The following SPAG16 variants were observed in gnomAD, a reference collection of about 807,000 sequenced individuals.
SPAG16 encodes the protein sperm associated antigen 16, also known as sperm-associated antigen 16 protein.
Under a neutral mutation model 80.4 loss-of-function variants are expected in SPAG16, and 86 were observed. The ratio of observed to expected loss-of-function variants is 1.07; its 90% CI spans 0.90 to 1.28. The LOEUF (loss-of-function observed/expected upper bound fraction) is 1.28, where lower values mean the gene tolerates loss of function less well. Among genes scored for constraint, SPAG16 ranks in the 50% most tolerant of loss-of-function variants. SPAG16 has a pLI of 0.00. For synonymous variants in SPAG16, 294 were observed against 265.9 expected, an observed-to-expected ratio of 1.11 and a Z score of -1.03; for missense variants, 870 against 765.3, an observed-to-expected ratio of 1.14 and a Z score of -1.61.
chr2:213,492,197 A>G (rs1232351534), intron 10 of SPAG16, among the ~76,000 whole-genome samples: 8 of 152,192 alleles, frequency 5.3e-5, no homozygotes, highest in Admixed American at 5.2e-4. Flanking sequence ...ACTAGACATA[A>G]TATAAAACTC....
intron 10 of SPAG16, among the ~76,000 whole-genome samples, chr2:213,600,755 C>T (rs950960557): frequency 8.5e-5 from 13 of 152,102 alleles, no homozygotes; most frequent in African/African-American, 2.7e-4. Context: ...AATTTTTACC[C>T]GAGAGAAATT....
At chr2:213,975,693 A>T (rs2045334904) in intron 12 of SPAG16, among the ~76,000 whole-genome samples, 1 of 152,048 alleles carries the variant, frequency 6.6e-6, no homozygotes, top group Admixed American at 6.6e-5. Flanking sequence ...TGATAGGGAG[A>T]GGAAAAATTC....
At position 213,757,885 on chromosome 2, in the gene SPAG16, A is replaced by T. The variant is rs539875449; in HGVS notation, c.1071-104600A>T. On this transcript the variant is annotated intron_variant, in intron 10 of 15. Transcript: ENST00000331683. The stretch of plus-strand genomic sequence containing the variant: ...CAAAGAGGTGAGTGGTTATTGTTGC[A>T]CCTCTATCCATTATTGCAAGCCCCT... Among the ~76,000 whole-genome samples, 8 of 152,002 alleles carry T rather than the reference A, an allele frequency of 5.3e-5. 1 individual carries two copies. The South Asian group carries it at 1.7e-3, about 32-fold the overall frequency.
chr2:214,248,286 TATATTA>T (rs1459289044), intron 15 of SPAG16, among the ~76,000 whole-genome samples: 46 of 128,094 alleles, frequency 3.6e-4, no homozygotes, highest in African/African-American at 1.2e-3. Context: ...GTACTATTCT[TATATTA>T]TTATTATTAT....
At chr2:214,246,601 C>T (rs890327809) in intron 15 of SPAG16, among the ~76,000 whole-genome samples, 2 of 152,000 alleles carry the variant, frequency 1.3e-5, no homozygotes, top group African/African-American at 2.4e-5. Flanking sequence ...AGAGAACAAC[C>T]AAGCAGAGCA....
intron 13 of SPAG16, among the ~76,000 whole-genome samples, chr2:214,052,396 G>A (rs2049698921): frequency 6.6e-6 from 1 of 152,204 alleles, no homozygotes; most frequent in Admixed American, 6.5e-5. Context: ...TTAACTCAGA[G>A]CGCAGCACAG....
In SPAG16 at chr2:213,707,565, T is replaced by G. The variant is rs554110598; in HGVS notation, c.1071-154920T>G. On this transcript the variant is annotated intron_variant, in intron 10 of 15. Transcript: ENST00000331683. ...ATTATTATTTTTTCATTGTGTACCCTAGTAGATTGATATGAAAGTAGGTGC... is the reference window on the plus strand; with the variant it reads ...ATTATTATTTTTTCATTGTGTACCCGAGTAGATTGATATGAAAGTAGGTGC... Among the ~76,000 whole-genome samples the G allele has an allele frequency of 1.6e-4, 24 of 152,342 alleles. 1 individual carries two copies. Among genetic ancestry groups the G allele is most frequent in the African/African-American group, 5.1e-4 (21 of 41,580 alleles).
chr2:214,302,371 A>T (rs1375192595), intron 15 of SPAG16, among the ~76,000 whole-genome samples: 2 of 152,180 alleles, frequency 1.3e-5, no homozygotes, highest in Non-Finnish European at 2.9e-5. Context: ...TCATGTAATG[A>T]CTGGTGATAG....
At chr2:213,496,976 T>C (rs2074521266) in intron 10 of SPAG16, among the ~76,000 whole-genome samples, 1 of 151,734 alleles carries the variant, frequency 6.6e-6, no homozygotes, top group Admixed American at 6.6e-5. Context: ...TTTGCATTTC[T>C]AAGAGAAAGA....
At chr2:214,374,050 A>AC (rs1310811768) in intron 15 of SPAG16, among the ~76,000 whole-genome samples, 1 of 152,188 alleles carries the variant, frequency 6.6e-6, no homozygotes, top group Non-Finnish European at 1.5e-5. Context: ...CTATAACAGA[A>AC]CGTAGAAAGT....
rs113070621 is a variant in SPAG16 at position 213,360,204 on chromosome 2, A to G, written c.763-3872A>G. Among the ~76,000 whole-genome samples the G allele has an allele frequency of 7.6e-3, 1,157 of 152,308 alleles. 9 individuals are homozygous for G. Among genetic ancestry groups the G allele is most frequent in the African/African-American group, 0.025 (1,039 of 41,574 alleles). On this transcript the variant is annotated intron_variant, in intron 7 of 15. Transcript: ENST00000331683. ...TTTCAGAATTTTGTTATACTTGTCA[A>G]TGGAAACTGGATGTGGCAGCCACCA...
At chr2:213,896,395 TA>T (rs578251451) in intron 11 of SPAG16, among the ~76,000 whole-genome samples, 28 of 150,266 alleles carry the variant, frequency 1.9e-4, no homozygotes, top group Non-Finnish European at 2.5e-4. Flanking sequence ...TGGAGATACC[TA>T]AAAAAAAATA....
In SPAG16 at chr2:213,874,696, A is replaced by G. The variant is rs542418075; in HGVS notation, c.1214+12068A>G. The stretch of plus-strand genomic sequence containing the variant: ...TTCAGCTCCATTATAATCTTATGAA[A>G]CCATATCATATATGCAGTCCATCAC... On this transcript the variant is annotated intron_variant, in intron 11 of 15. Transcript: ENST00000331683. Among the ~76,000 whole-genome samples the G allele has an allele frequency of 2.0e-4, 30 of 152,238 alleles. 2 individuals are homozygous for G. The highest frequency in any genetic ancestry group is 6.3e-4 in the African/African-American group (26 of 41,558).
intron 10 of SPAG16, among the ~76,000 whole-genome samples, chr2:213,716,112 C>G (rs2066229251): frequency 6.6e-6 from 1 of 152,052 alleles, no homozygotes. Flanking sequence ...GAAATGAAAT[C>G]AACTTTTAGT....
chr2:214,132,782 G>C (rs1442425465), intron 14 of SPAG16, among the ~76,000 whole-genome samples: 1 of 152,132 alleles, frequency 6.6e-6, no homozygotes, highest in Non-Finnish European at 1.5e-5. Context: ...ATTTACATTT[G>C]AGAGTCTCAA....
At chr2:214,288,752 C>CTTATTTATTTATTTATTTATTTATTTAT (rs58056064) in intron 15 of SPAG16, among the ~76,000 whole-genome samples, 5 of 141,468 alleles carry the variant, frequency 3.5e-5, no homozygotes, top group South Asian at 2.3e-4. Context: ...CCTTTGCCCA[C>CTTATTTATTTATTTATTTATTTATTTAT]TTATTTATTT....
chr2:214,223,123 A>G (rs977557907), intron 15 of SPAG16, among the ~76,000 whole-genome samples: 1 of 151,892 alleles, frequency 6.6e-6, no homozygotes, highest in Non-Finnish European at 1.5e-5. Flanking sequence ...TTCCATTATT[A>G]TGAACTATTT....
At chr2:213,741,044 A>C (rs1426868646) in intron 10 of SPAG16, among the ~76,000 whole-genome samples, 1 of 152,212 alleles carries the variant, frequency 6.6e-6, no homozygotes, top group Non-Finnish European at 1.5e-5. Flanking sequence ...TAAGTTATTC[A>C]ACTATTAATT....
At chr2:213,531,359 A>AGTTTGT (rs2076059982) in intron 10 of SPAG16, among the ~76,000 whole-genome samples, 1 of 142,018 alleles carries the variant, frequency 7.0e-6, no homozygotes, top group Admixed American at 7.1e-5. Flanking sequence ...AAAAGATGTG[A>AGTTTGT]GTGTGTGTGT....
Sources: allele counts gnomAD v4.1 joint callset (sites outside exome capture counted in the v4.1 genomes callset), GRCh38; gene constraint gnomAD v4.1.1; transcripts MANE v1.5; gene names NCBI Gene and HGNC (gene_info 2026-07-23, HGNC 2026-07-21).